RBFOX1: variants seen among roughly 807,000 people sequenced by gnomAD.
RBFOX1 encodes the protein RNA binding protein fox-1 homolog 1.
In RBFOX1, 8 loss-of-function variants were observed where a neutral mutation model predicts 57.7. The observed-to-expected ratio is 0.14, with a 90% CI of 0.08 to 0.25. The LOEUF (loss-of-function observed/expected upper bound fraction) is 0.25, where lower values mean the gene tolerates loss of function less well. Among genes scored for constraint, RBFOX1 ranks in the 10% least tolerant of loss-of-function variants. The pLI, the probability that RBFOX1 is intolerant of heterozygous loss-of-function variation, is 1.00. For missense variants in RBFOX1, 611 were observed against 548.5 expected (o/e 1.11, Z -1.14); for synonymous variants, 326 against 222.4 (o/e 1.47, Z -4.15).
At chr16:7,619,697 T>C (rs1439704186) in intron 10 of RBFOX1, among the ~76,000 whole-genome samples, 1 of 152,210 alleles carries the variant, frequency 6.6e-6, no homozygotes, top group Non-Finnish European at 1.5e-5. Flanking sequence ...GAAGAGAGTA[T>C]AGAAGGCCTT....
chr16:5,511,009 T>C (rs1260827059), intron 2 of RBFOX1, among the ~76,000 whole-genome samples: 1 of 152,162 alleles, frequency 6.6e-6, no homozygotes, highest in Non-Finnish European at 1.5e-5. Context: ...TTTACTTACG[T>C]CATTGCTGAA....
chr16:6,869,171 C>T lies in RBFOX1; in HGVS notation c.-15-182886C>T, dbSNP rs114004142. 2.6e-3 allele frequency among the ~76,000 whole-genome samples: 402 copies of T among 152,294 alleles called. 1 individual carries two copies. The highest frequency in any genetic ancestry group is 8.5e-3 in the African/African-American group (352 of 41,554). On this transcript the variant is annotated intron_variant, in intron 3 of 15. Coordinates refer to ENST00000550418, the MANE Select transcript of RBFOX1 (RefSeq NM_018723.4). ...TCTTGCTTACCTGTCATATCTTCTG[C>T]TGCTTTGCACGCTCATCTCTTCCTT... is the stretch of plus-strand genomic sequence containing the variant.
At chr16:7,244,790 G>A (rs538177325) in intron 4 of RBFOX1, among the ~76,000 whole-genome samples, 1 of 152,190 alleles carries the variant, frequency 6.6e-6, no homozygotes. Flanking sequence ...AGGCAGGCTG[G>A]GTCATCAGAC....
intron 1 of RBFOX1, among the ~76,000 whole-genome samples, chr16:5,374,190 G>T (rs746116480): frequency 1.3e-5 from 2 of 152,192 alleles, no homozygotes; most frequent in African/African-American, 2.4e-5. Context: ...CACCCACCTC[G>T]GCCTTCCAAA....
At chr16:7,371,059 C>A (rs953561717) in intron 4 of RBFOX1, among the ~76,000 whole-genome samples, 2 of 152,134 alleles carry the variant, frequency 1.3e-5, no homozygotes, top group Non-Finnish European at 2.9e-5. Flanking sequence ...GTTCTCCTCT[C>A]CTCTAAGCAC....
At chr16:5,779,855 C>T (rs1027462677) in intron 3 of RBFOX1, among the ~76,000 whole-genome samples, 2 of 152,152 alleles carry the variant, frequency 1.3e-5, no homozygotes, top group Non-Finnish European at 2.9e-5. Context: ...TTTGGGTTAC[C>T]TTTATAATCT....
At chr16:6,850,924 A>T (rs1232060980) in intron 3 of RBFOX1, among the ~76,000 whole-genome samples, 5 of 152,230 alleles carry the variant, frequency 3.3e-5, no homozygotes, top group Admixed American at 3.3e-4. Context: ...CTGTATGCAA[A>T]TGTTCACTGC....
At chr16:6,251,772 C>T (rs1033580943) in intron 1 of RBFOX1, among the ~76,000 whole-genome samples, 10 of 152,060 alleles carry the variant, frequency 6.6e-5, no homozygotes, top group African/African-American at 2.2e-4. Context: ...CCCCTAATGA[C>T]GTAGCTGGAG....
chr16:7,266,091 C>T (rs1216772054), intron 4 of RBFOX1, among the ~76,000 whole-genome samples: 1 of 150,786 alleles, frequency 6.6e-6, no homozygotes, highest in Non-Finnish European at 1.5e-5. Flanking sequence ...TCTCCTGCCT[C>T]AGCCTCCCAA....
At chr16:7,502,145 A>G (rs1263382653) in intron 4 of RBFOX1, among the ~76,000 whole-genome samples, 1 of 152,064 alleles carries the variant, frequency 6.6e-6, no homozygotes, top group Non-Finnish European at 1.5e-5. Flanking sequence ...TATGCAACAC[A>G]CAATGAAAGA....
chr16:6,446,695 G>A (rs2094493090), intron 2 of RBFOX1, among the ~76,000 whole-genome samples: 1 of 152,054 alleles, frequency 6.6e-6, no homozygotes, highest in Admixed American at 6.6e-5. Flanking sequence ...ATTAATTTAA[G>A]TTAATATAGA....
intron 5 of RBFOX1, among the ~76,000 whole-genome samples, chr16:7,563,028 C>T (rs2090785431): frequency 6.6e-6 from 1 of 152,192 alleles, no homozygotes; most frequent in Non-Finnish European, 1.5e-5. Flanking sequence ...CACTGTGCCA[C>T]ACTGCCTCCC....
chr16:5,725,918 G>A (rs903473100), intron 3 of RBFOX1, among the ~76,000 whole-genome samples: 1 of 151,924 alleles, frequency 6.6e-6, no homozygotes, highest in South Asian at 2.1e-4. Context: ...TGAGCACTCA[G>A]TTCCTTCCTT....
At chr16:6,270,733 C>T (rs2075113049) in intron 1 of RBFOX1, among the ~76,000 whole-genome samples, 1 of 152,264 alleles carries the variant, frequency 6.6e-6, no homozygotes, top group South Asian at 2.1e-4. Flanking sequence ...GAGGACTAAT[C>T]AACATTATAG....
intron 3 of RBFOX1, among the ~76,000 whole-genome samples, chr16:6,798,542 C>G (rs1399988210): frequency 6.6e-6 from 1 of 152,098 alleles, no homozygotes; most frequent in Non-Finnish European, 1.5e-5. Context: ...ATAACACCCC[C>G]AATTCTAACT....
chr16:7,344,918 CT>C (rs1450368452), intron 4 of RBFOX1, among the ~76,000 whole-genome samples: 6 of 152,332 alleles, frequency 3.9e-5, no homozygotes, highest in African/African-American at 1.2e-4. Context: ...TATTGTGCCG[CT>C]GTCATTTCTG....
chr16:5,526,411 C>T (rs4548867), intron 2 of RBFOX1, among the ~76,000 whole-genome samples: 61,940 of 151,776 alleles, frequency 0.41, 14,082 homozygotes, highest in East Asian at 0.96. Flanking sequence ...GCTTCAGCCT[C>T]CCAAGTAGCT....
At chr16:7,075,640 G>T (rs1202540104) in intron 4 of RBFOX1, among the ~76,000 whole-genome samples, 1 of 152,022 alleles carries the variant, frequency 6.6e-6, no homozygotes, top group African/African-American at 2.4e-5. Context: ...GAGTGCAGTG[G>T]TGCGATCTTG....
At chr16:5,315,249 G>T (rs559895687) in intron 1 of RBFOX1, among the ~76,000 whole-genome samples, 2 of 152,178 alleles carry the variant, frequency 1.3e-5, no homozygotes, top group East Asian at 3.8e-4. Context: ...GCTGTGGGAC[G>T]GGGGAGGAGG....
Sources: allele counts gnomAD v4.1 joint callset (sites outside exome capture counted in the v4.1 genomes callset), GRCh38; gene constraint gnomAD v4.1.1; transcripts MANE v1.5; gene names NCBI Gene and HGNC (gene_info 2026-07-23, HGNC 2026-07-21).